The following ATG7 variants were observed in gnomAD, a reference collection of about 807,000 sequenced individuals.
ATG7 encodes the protein ubiquitin-like modifier-activating enzyme ATG7.
ATG7 carries 70 observed loss-of-function variants against 82.4 expected under a neutral mutation model. The observed-to-expected ratio is 0.85, with a 90% CI of 0.70 to 1.04. The LOEUF is 1.04. ATG7 is among the 50% of genes least tolerant of loss of function. The pLI is 0.00. For synonymous variants in ATG7, 287 were observed against 313.0 expected (o/e 0.92, Z 0.88); for missense variants, 792 against 864.3 (o/e 0.92, Z 1.05).
intron 20 of ATG7, among the ~76,000 whole-genome samples, chr3:11,532,684 C>T (rs2092715120): frequency 6.6e-6 from 1 of 152,182 alleles, no homozygotes. Context: ...GACTGTGCCA[C>T]TGCACTCCAG....
intron 19 of ATG7, 92 bp downstream of exon 19, chr3:11,380,144 C>A: frequency 8.2e-7 from 1 of 1,212,412 alleles, no homozygotes; most frequent in Non-Finnish European, 1.2e-6. Flanking sequence ...TTGAAACCAA[C>A]TAAGGGCTTT....
intron 20 of ATG7, among the ~76,000 whole-genome samples, chr3:11,517,037 C>T (rs925915028): frequency 6.6e-5 from 10 of 151,948 alleles, no homozygotes; most frequent in Admixed American, 1.3e-4. Context: ...GAGCTAAGAT[C>T]GCACCACCAC....
chr3:11,496,931 C>T (rs534617992), intron 20 of ATG7, among the ~76,000 whole-genome samples: 2 of 151,324 alleles, frequency 1.3e-5, no homozygotes, highest in African/African-American at 2.4e-5. Context: ...GTGATCTCGG[C>T]TCACTGCAAC....
chr3:11,370,696 A>T lies in ATG7; in HGVS notation c.1875+5962A>T, dbSNP rs1008000398. On this transcript the variant is annotated intron_variant, in intron 18 of 20. Transcript: ENST00000693202. Reference sequence around the variant, plus strand: ...AAGCTAATTTTACTCAGCTTAGGTGAAAACACCACCAGGGGTGGGTGGCCC... The same window carrying T: ...AAGCTAATTTTACTCAGCTTAGGTGTAAACACCACCAGGGGTGGGTGGCCC... 6.6e-5 allele frequency among the ~76,000 whole-genome samples: 10 copies of T among 151,094 alleles called. 1 individual carries two copies. Among genetic ancestry groups the T allele is most frequent in the African/African-American group, 2.2e-4 (9 of 40,914 alleles).
chr3:11,534,380 T>C lies in ATG7; in HGVS notation c.2080-20431T>C, dbSNP rs141894591. Among the ~76,000 whole-genome samples the C allele has an allele frequency of 3.4e-3, 511 of 152,348 alleles. 2 individuals are homozygous for C. Among genetic ancestry groups the C allele is most frequent in the African/African-American group, 0.012 (486 of 41,586 alleles). On this transcript the variant is annotated intron_variant, in intron 20 of 20. Transcript: ENST00000693202. ...AAAGAAGGGCATGATGGGCGTCGCC[T>C]CAGAATGCTGTTGGTCTTGGAACAG... is the stretch of plus-strand genomic sequence containing the variant.
At chr3:11,491,019 AC>A (rs2090292743) in intron 20 of ATG7, among the ~76,000 whole-genome samples, 1 of 152,224 alleles carries the variant, frequency 6.6e-6, no homozygotes, top group East Asian at 1.9e-4. Flanking sequence ...ATGTTGGCCT[AC>A]CTTGCTAGAT....
intron 18 of ATG7, among the ~76,000 whole-genome samples, chr3:11,368,938 T>C (rs2076814240): frequency 6.6e-6 from 1 of 150,968 alleles, no homozygotes; most frequent in Non-Finnish European, 1.5e-5. Context: ...AGCTTGGAAT[T>C]GCCAACCCCA....
At chr3:11,394,127 G>A (rs1227178380) in intron 19 of ATG7, among the ~76,000 whole-genome samples, 1 of 152,164 alleles carries the variant, frequency 6.6e-6, no homozygotes, top group Non-Finnish European at 1.5e-5. Context: ...TAACTTGAAC[G>A]AACTCTCATC....
At chr3:11,510,595 AAGC>A (rs1217287980) in intron 20 of ATG7, among the ~76,000 whole-genome samples, 1 of 152,074 alleles carries the variant, frequency 6.6e-6, no homozygotes, top group African/African-American at 2.4e-5. Flanking sequence ...AGCACAGTAA[AAGC>A]AGGCTGTCAG....
chr3:11,495,371 C>G (rs2090742873), intron 20 of ATG7, among the ~76,000 whole-genome samples: 1 of 152,160 alleles, frequency 6.6e-6, no homozygotes, highest in Non-Finnish European at 1.5e-5. Flanking sequence ...GATAAAGTGT[C>G]TCATCCTGAG....
chr3:11,418,873 G>A (rs1230651561), intron 19 of ATG7, among the ~76,000 whole-genome samples: 1 of 152,164 alleles, frequency 6.6e-6, no homozygotes, highest in Non-Finnish European at 1.5e-5. Flanking sequence ...TTACATGGCG[G>A]CAGGAGAAAG....
Position 11,313,315 on chromosome 3 carries a change from G to C in ATG7, c.423G>C (p.Lys141Asn), listed in dbSNP as rs1296373224. ...FLLLTFADLK[K>N]YHFYYWFCYP... is the part of the protein sequence containing the mutation. ...ACTTTTTTTTCTAGGATCTAAAGAAGTACCACTTCTACTATTGGTTTTGCT... is the reference window on the plus strand; with the variant it reads ...ACTTTTTTTTCTAGGATCTAAAGAACTACCACTTCTACTATTGGTTTTGCT... The change falls in exon 8 of 21, where the codon AAG becomes AAC. Residue 141 changes from lysine (K) to asparagine (N), a missense_variant. By Grantham distance (94) the Lys-to-Asn change is moderately conservative (BLOSUM62 0). Transcript: ENST00000693202. 6.2e-7 allele frequency: 1 copy of C among 1,601,428 alleles called. No individual in the cohort carries two copies. Among genetic ancestry groups the C allele is most frequent in the Non-Finnish European group, 8.5e-7 (1 of 1,172,276 alleles).
chr3:11,523,691 G>C (rs185762985), intron 20 of ATG7, among the ~76,000 whole-genome samples: 3 of 152,294 alleles, frequency 2.0e-5, no homozygotes, highest in Admixed American at 1.3e-4. Context: ...AGCAACAAAG[G>C]TTTTAAAATG....
chr3:11,547,433 G>T (rs571953067), intron 20 of ATG7, among the ~76,000 whole-genome samples: 2 of 152,222 alleles, frequency 1.3e-5, no homozygotes, highest in South Asian at 4.1e-4. Flanking sequence ...TTCCTATTAT[G>T]AATTCCACGT....
downstream of ATG7, among the ~76,000 whole-genome samples, chr3:11,562,323 C>T (rs1281944264): frequency 6.6e-6 from 1 of 152,176 alleles, no homozygotes. Context: ...TTTCTGTAGC[C>T]TCCCCATACA....
intron 5 of ATG7, among the ~76,000 whole-genome samples, chr3:11,303,529 C>T (rs1448970847): frequency 2.0e-5 from 3 of 151,532 alleles, no homozygotes; most frequent in East Asian, 2.0e-4. Context: ...ATTAGCCGGG[C>T]GTGGTGCCGG....
intron 20 of ATG7, among the ~76,000 whole-genome samples, chr3:11,504,954 C>T (rs1012068426): frequency 4.6e-5 from 7 of 152,190 alleles, no homozygotes; most frequent in African/African-American, 1.7e-4. Flanking sequence ...AGAGCCAAAT[C>T]CTCATTTACC....
chr3:11,534,951 G>A (rs935987818), intron 20 of ATG7, among the ~76,000 whole-genome samples: 1 of 152,238 alleles, frequency 6.6e-6, no homozygotes, highest in African/African-American at 2.4e-5. Flanking sequence ...CCTGGCAGAA[G>A]CCTCCACTCC....
intron 20 of ATG7, among the ~76,000 whole-genome samples, chr3:11,532,622 C>CT (rs2092714153): frequency 6.6e-6 from 1 of 152,130 alleles, no homozygotes; most frequent in African/African-American, 2.4e-5. Context: ...ACTCAAGAGG[C>CT]TGAGGCAGGA....
Sources: gnomAD v4.1 joint callset for allele counts (sites outside exome capture counted in the v4.1 genomes callset) on GRCh38, gnomAD v4.1.1 for gene constraint, MANE v1.5 for transcripts, NCBI Gene and HGNC (gene_info 2026-07-23, HGNC 2026-07-21) for gene names.